ZSWIM9: variants seen among roughly 807,000 people sequenced by gnomAD.
ZSWIM9 encodes uncharacterized protein ZSWIM9.
Under a neutral mutation model 25.0 loss-of-function variants are expected in ZSWIM9, and 11 were observed. The ratio of observed to expected loss-of-function variants is 0.44; its 90% CI spans 0.28 to 0.73. The LOEUF (loss-of-function observed/expected upper bound fraction) is 0.73, where lower values mean the gene tolerates loss of function less well. Ranked by LOEUF, ZSWIM9 falls within the 30% of genes least tolerant of loss-of-function variation. ZSWIM9 has a pLI of 0.16. For synonymous variants in ZSWIM9, 562 were observed against 582.1 expected, an observed-to-expected ratio of 0.97 and a Z score of 0.50; for missense variants, 1,070 against 1,296.5, an observed-to-expected ratio of 0.83 and a Z score of 2.68.
At position 48,172,048 on chromosome 19, in the gene ZSWIM9, C is replaced by T. The variant is rs2036831682; in HGVS notation, c.246C>T (p.Asp82=). The change falls in exon 2 of 4, where the codon GAC becomes GAT. Residue 82 remains aspartate (D), a synonymous_variant. Coordinates refer to ENST00000614654, the MANE Select transcript of ZSWIM9 (RefSeq NM_199341.4). ...KYSYVRLVCK[D]VRAPSRPAVG... is the part of the protein sequence containing the mutation. ...GCTACGTGCGGCTTGTGTGCAAGGACGTGCGTGCGCCCAGCCGGCCCGCCG... is the reference window on the plus strand; with the variant it reads ...GCTACGTGCGGCTTGTGTGCAAGGATGTGCGTGCGCCCAGCCGGCCCGCCG... 4.3e-6 allele frequency: 6 copies of T among 1,399,354 alleles called. No individual in the cohort carries two copies. Among genetic ancestry groups the T allele is most frequent in the East Asian group, 6.9e-5 (2 of 28,848 alleles). The allele number at this position is 1,399,354 out of a possible 1,614,324, so 86.7% of individuals were successfully genotyped here. A position where few individuals can be genotyped will look rare whatever the true frequency, so the allele number is the denominator to read the frequency against.
At chr19:48,183,436 T>G (rs902690708) in intron 3 of ZSWIM9, among the ~76,000 whole-genome samples, 29 of 151,734 alleles carry the variant, frequency 1.9e-4, no homozygotes, top group Non-Finnish European at 3.8e-4. Context: ...CTGAATTTAT[T>G]CTAATTAATT....
chr19:48,188,519 A>G (rs2037057489), intron 3 of ZSWIM9, among the ~76,000 whole-genome samples: 1 of 151,552 alleles, frequency 6.6e-6, no homozygotes, highest in Non-Finnish European at 1.5e-5. Context: ...GAGCCACCGC[A>G]CCCAACCTTT....
At chr19:48,191,927 T>C (rs1291571473) in intron 3 of ZSWIM9, 2 of 154,608 alleles carry the variant, frequency 1.3e-5, no homozygotes, top group Non-Finnish European at 2.9e-5. Flanking sequence ...GTATTGCAAA[T>C]CGCATGGGTG....
At chr19:48,175,313 G>T (rs1387467621) in intron 2 of ZSWIM9, among the ~76,000 whole-genome samples, 3 of 152,114 alleles carry the variant, frequency 2.0e-5, no homozygotes, top group Admixed American at 2.0e-4. Flanking sequence ...TGAATGGGGA[G>T]TGCGGGAGCA....
At chr19:48,176,741 G>C (rs79841969) in intron 2 of ZSWIM9, among the ~76,000 whole-genome samples, 2 of 152,068 alleles carry the variant, frequency 1.3e-5, no homozygotes, top group African/African-American at 4.8e-5. Context: ...TGGGATTTCT[G>C]TGGGGAGCGT....
At position 48,197,082 on chromosome 19, in the gene ZSWIM9, G is replaced by A. The variant is rs2037176311; in HGVS notation, c.*255G>A. The A allele has an allele frequency of 1.7e-6, 1 of 574,854 alleles. No homozygotes were observed. The highest frequency in any genetic ancestry group is 3.1e-6 in the Non-Finnish European group (1 of 323,056). 35.6% of individuals were successfully genotyped at this position (574,854 alleles called of 1,614,324 possible). ...GATTCTGAGGGCTTCCCTCTGGAGA[G>A]GAAGCATGTGATGAGAGGTGTAGAC... On this transcript the variant is annotated 3_prime_UTR_variant, in exon 4 of 4. Coordinates refer to ENST00000614654, the MANE Select transcript of ZSWIM9 (RefSeq NM_199341.4).
Position 48,195,419 on chromosome 19 carries a change from C to T in ZSWIM9, c.1355C>T (p.Pro452Leu). The T allele has an allele frequency of 6.9e-7, 1 of 1,453,952 alleles. No individual in the cohort carries two copies. Among genetic ancestry groups the T allele is most frequent in the Non-Finnish European group, 9.0e-7 (1 of 1,112,320 alleles). The allele number at this position is 1,453,952 out of a possible 1,614,324, so 90.1% of individuals were successfully genotyped here. ...AVPEGPDGGG[P>L]WLEDEPGRGA... ...CCCGAGGGGCCCGATGGCGGGGGGC[C>T]TTGGCTGGAGGATGAGCCAGGGAGG... The change falls in exon 4 of 4, where the codon CCT becomes CTT. Residue 452 changes from proline (P) to leucine (L), a missense_variant. Pro to Leu is a moderately conservative substitution (Grantham distance 98, BLOSUM62 -3). This residue lies in a region of ZSWIM9 where 583 missense variants were observed against 624.7 expected (regional missense o/e 0.93). Coordinates refer to ENST00000614654, the MANE Select transcript of ZSWIM9 (RefSeq NM_199341.4). This position sits in a 1 kb window ranked among gnomAD's most constrained non-coding sequence, Gnocchi z 5.8.
rs2036955769 is a variant in ZSWIM9 at position 48,182,336 on chromosome 19, CCTCTA to C, written c.276-114_276-110del. On this transcript the variant is annotated intron_variant, in intron 2 of 3. Coordinates refer to ENST00000614654, the MANE Select transcript of ZSWIM9 (RefSeq NM_199341.4). This position sits in a 1 kb window ranked among gnomAD's most constrained non-coding sequence, Gnocchi z 4.6. ...CACACAGCTGGCATATTCTTAGGGC[CCTCTA>C]CTCTTCTCTATGCCTGAAACAATTC... 4 of 834,276 alleles carry C rather than the reference CCTCTA, an allele frequency of 4.8e-6. No individual in the cohort carries two copies. Among genetic ancestry groups the C allele is most frequent in the African/African-American group, 3.5e-5 (2 of 57,544 alleles). 51.7% of individuals were successfully genotyped at this position (834,276 alleles called of 1,614,324 possible).
intron 3 of ZSWIM9, chr19:48,187,562 TATA>T (rs1487831341): frequency 2.2e-4 from 5 of 22,392 alleles, no homozygotes; most frequent in Non-Finnish European, 3.3e-4. Context: ...ATATATTATA[TATA>T]ATATTATATA....
intron 3 of ZSWIM9, chr19:48,193,225 C>G (rs538541717): frequency 6.5e-6 from 1 of 154,870 alleles, no homozygotes; most frequent in African/African-American, 2.4e-5. Flanking sequence ...GGAACCAAGG[C>G]TCATTGAGGA....
At chr19:48,173,434 G>A (rs1365818925) in intron 2 of ZSWIM9, among the ~76,000 whole-genome samples, 2 of 152,116 alleles carry the variant, frequency 1.3e-5, no homozygotes, top group Non-Finnish European at 2.9e-5. Flanking sequence ...AAGTAGCTGG[G>A]ACTACAGGTG....
chr19:48,189,346 A>T (rs150477969), intron 3 of ZSWIM9: 10 of 152,210 alleles, frequency 6.6e-5, no homozygotes, highest in Non-Finnish European at 1.2e-4. Flanking sequence ...AGGCGGGCAG[A>T]TCACAAGGTC....
chr19:48,180,598 A>G (rs1313149743), intron 2 of ZSWIM9, among the ~76,000 whole-genome samples: 1 of 151,804 alleles, frequency 6.6e-6, no homozygotes, highest in Non-Finnish European at 1.5e-5. Context: ...CCATCTCAAG[A>G]CCCTTAATTT....
intron 2 of ZSWIM9, among the ~76,000 whole-genome samples, chr19:48,180,086 G>A (rs1305822499): frequency 6.6e-6 from 1 of 151,900 alleles, no homozygotes; most frequent in Non-Finnish European, 1.5e-5. Flanking sequence ...GTGCGATCTC[G>A]GCTCACCGCA....
At chr19:48,191,190 T>C (rs1031525464) in intron 3 of ZSWIM9, among the ~76,000 whole-genome samples, 1 of 151,332 alleles carries the variant, frequency 6.6e-6, no homozygotes, top group African/African-American at 2.5e-5. Context: ...TTAGCTATTA[T>C]TTTGTTGTTG....
rs182865986 is a variant in ZSWIM9 at position 48,188,527 on chromosome 19, T to C, written c.588+5760T>C. On this transcript the variant is annotated intron_variant, in intron 3 of 3. Transcript: ENST00000614654. ...CAGGCGTGAGCCACCGCACCCAACCTTTAACACCTTTTATCACCTGCCCTG... is the reference window on the plus strand; with the variant it reads ...CAGGCGTGAGCCACCGCACCCAACCCTTAACACCTTTTATCACCTGCCCTG... 2.9e-3 allele frequency among the ~76,000 whole-genome samples: 438 copies of C among 151,662 alleles called. 2 individuals carry two copies. The highest frequency in any genetic ancestry group is 5.0e-3 in the Non-Finnish European group (337 of 67,898).
At chr19:48,171,198 G>A in intron 1 of ZSWIM9, 1 of 984,980 alleles carries the variant, frequency 1.0e-6, no homozygotes, top group Non-Finnish European at 1.2e-6. Context: ...CGGGGGAAGG[G>A]GCAACAGCTG....
At chr19:48,192,480 A>AAT (rs1555787871) in intron 3 of ZSWIM9, among the ~76,000 whole-genome samples, 352 of 17,348 alleles carry the variant, frequency 0.02, 40 homozygotes, top group East Asian at 0.031. Context: ...AAAAAAAAAA[A>AAT]ATATATATAT....
In ZSWIM9 at chr19:48,195,009, G is replaced by A. The variant is rs1312392269; in HGVS notation, c.945G>A (p.Gln315=). The part of the protein sequence containing the change: ...VRQLLPCARV[Q]ICRAQGLETL... The stretch of plus-strand genomic sequence containing the variant: ...AGCTGCTGCCCTGCGCGCGCGTGCA[G>A]ATCTGCCGCGCGCAGGGCCTGGAGA... Residue 315 remains glutamine (Q), a synonymous_variant, in exon 4 of 4, where the codon CAG becomes CAA. Coordinates refer to ENST00000614654, the MANE Select transcript of ZSWIM9 (RefSeq NM_199341.4). This position sits in a 1 kb window ranked among gnomAD's most constrained non-coding sequence, Gnocchi z 5.8. 8.1e-6 allele frequency: 11 copies of A among 1,361,482 alleles called. No homozygotes were observed. Among genetic ancestry groups the A allele is most frequent in the East Asian group, 7.2e-5 (2 of 27,966 alleles). 84.3% of individuals were successfully genotyped at this position (1,361,482 alleles called of 1,614,324 possible).
Sources: gnomAD v4.1 joint callset for allele counts (sites outside exome capture counted in the v4.1 genomes callset) on GRCh38, gnomAD v4.1.1 for gene constraint, gnomAD v4.1.1 regional missense constraint, Gnocchi (gnomAD v3.1) non-coding constraint, MANE v1.5 for transcripts, NCBI Gene and HGNC (gene_info 2026-07-23, HGNC 2026-07-21) for gene names.